The following MADCAM1 variants were observed in gnomAD, a reference collection of about 807,000 sequenced individuals.
The protein encoded by MADCAM1 is mucosal addressin cell adhesion molecule 1.
In MADCAM1, 19 loss-of-function variants were observed where a neutral mutation model predicts 26.1. The ratio of observed to expected loss-of-function variants is 0.73; its 90% CI spans 0.51 to 1.07. The LOEUF (loss-of-function observed/expected upper bound fraction) is 1.07, where lower values mean the gene tolerates loss of function less well. Ranked by LOEUF, MADCAM1 falls within the 50% of genes least tolerant of loss-of-function variation. The pLI, the probability that MADCAM1 is intolerant of heterozygous loss-of-function variation, is 0.00. For missense variants in MADCAM1, 514 were observed against 542.1 expected, an observed-to-expected ratio of 0.95 and a Z score of 0.51; for synonymous variants, 268 against 260.9, an observed-to-expected ratio of 1.03 and a Z score of -0.26.
chr19:503,752 A>C (rs78574640), intron 4 of MADCAM1, among the ~76,000 whole-genome samples: 2 of 148,954 alleles, frequency 1.3e-5, no homozygotes, highest in East Asian at 3.9e-4. Context: ...ACTCAGTCTC[A>C]AAAAAAAAAG....
Position 501,923 on chromosome 19 carries a change from A to G in MADCAM1, c.922A>G (p.Thr308Ala). ...GCCCACGCAGGGAGAAGTGATCCCA[A>G]CAGGCTGTGAGTTCTGGTCCCTGGG... ...AGPTQGEVIP[T>A]GSSKPAGDQL... Residue 308 changes from threonine (T) to alanine (A), a missense_variant, in exon 4 of 5, where the codon ACA becomes GCA. Coordinates refer to ENST00000215637, the MANE Select transcript of MADCAM1 (RefSeq NM_130760.3). 2.4e-6 allele frequency: 3 copies of G among 1,265,968 alleles called. No homozygotes were observed. The highest frequency in any genetic ancestry group is 1.1e-6 in the Non-Finnish European group (1 of 941,846). The allele number at this position is 1,265,968 out of a possible 1,614,324, so 78.4% of individuals were successfully genotyped here.
At chr19:498,876 GCACTTCGGGA>G in intron 3 of MADCAM1, 51 bp downstream of exon 3, 1 of 1,254,840 alleles carries the variant, frequency 8.0e-7, no homozygotes. Context: ...GCCTTGACAA[GCACTTCGGGA>G]CGGGGTGGGG....
At chr19:499,979 G>A (rs1978311645) in intron 3 of MADCAM1, 1 of 442,408 alleles carries the variant, frequency 2.3e-6, no homozygotes, top group Non-Finnish European at 4.5e-6. Context: ...GGAGACCCGG[G>A]AGGTCTTTGT....
Position 497,912 on chromosome 19 carries a change from G to C in MADCAM1, c.132G>C (p.Gln44His). Reference sequence around the variant, plus strand: ...CCGTGGCCTTGGGCGCCTCGCGCCAGCTCACCTGCCGCCTGGCCTGCGCGG... The same window carrying C: ...CCGTGGCCTTGGGCGCCTCGCGCCACCTCACCTGCCGCCTGGCCTGCGCGG... The part of the protein sequence containing the change: ...VVAVALGASR[Q>H]LTCRLACADR... Residue 44 changes from glutamine (Q) to histidine (H), a missense_variant, in exon 2 of 5, where the codon CAG becomes CAC. By Grantham distance (24) the Gln-to-His change is conservative. Around this residue, in one of 3 missense-constraint regions of MADCAM1, gnomAD observed 317 missense variants for 313.6 expected, o/e 1.01. Coordinates refer to ENST00000215637, the MANE Select transcript of MADCAM1 (RefSeq NM_130760.3). 2 of 1,379,592 alleles carry C rather than the reference G, an allele frequency of 1.4e-6. No individual in the cohort carries two copies. Among genetic ancestry groups the C allele is most frequent in the Non-Finnish European group, 1.9e-6 (2 of 1,074,272 alleles). 85.5% of individuals were successfully genotyped at this position (1,379,592 alleles called of 1,614,324 possible).
intron 3 of MADCAM1, chr19:499,228 G>A (rs995813412): frequency 7.5e-5 from 36 of 476,946 alleles, no homozygotes; most frequent in African/African-American, 6.9e-4. Flanking sequence ...CCTGCCCCGG[G>A]GCCTTTGCAC....
chr19:498,266 C>T, intron 2 of MADCAM1, 149 bp downstream of exon 2: 1 of 932,014 alleles, frequency 1.1e-6, no homozygotes, highest in Non-Finnish European at 1.4e-6. Flanking sequence ...CCTTCGCTTC[C>T]CTCCAACTCA....
intron 3 of MADCAM1, among the ~76,000 whole-genome samples, chr19:501,384 C>A (rs2145821089): frequency 7.0e-6 from 1 of 143,152 alleles, no homozygotes; most frequent in African/African-American, 2.6e-5. Context: ...ACTCCAGAGG[C>A]TGAGGCAGGG....
At chr19:500,359 C>T (rs6510810) in intron 3 of MADCAM1, among the ~76,000 whole-genome samples, 21,342 of 152,222 alleles carry the variant, frequency 0.14, 3,037 homozygotes, top group African/African-American at 0.36. Flanking sequence ...GGTGCCTCAG[C>T]TTCCTCATCT....
At position 496,548 on chromosome 19, in the gene MADCAM1, C is replaced by A; in HGVS notation, c.49C>A (p.Leu17Ile). Residue 17 changes from leucine to isoleucine, a missense_variant, in exon 1 of 5, where the codon CTC (leucine) becomes ATC (isoleucine). Coordinates refer to ENST00000215637, the MANE Select transcript of MADCAM1 (RefSeq NM_130760.3). Reference sequence around the variant, plus strand: ...GCTGGCGGGGCTTCTGGGGCTCCTCCTCGGTGAGAAGGGGAGGGGGCGCGG... The same window carrying A: ...GCTGGCGGGGCTTCTGGGGCTCCTCATCGGTGAGAAGGGGAGGGGGCGCGG... Reference protein sequence around the residue: ...LLLAGLLGLLLGQSLQVKPLQ... With the variant: ...LLLAGLLGLLIGQSLQVKPLQ... 1 of 1,300,216 alleles carries A rather than the reference C, an allele frequency of 7.7e-7. No individual in the cohort carries two copies. The highest frequency in any genetic ancestry group is 9.8e-7 in the Non-Finnish European group (1 of 1,018,856). The allele number at this position is 1,300,216 out of a possible 1,614,324, so 80.5% of individuals were successfully genotyped here. A position where few individuals can be genotyped will look rare whatever the true frequency, so the allele number is the denominator to read the frequency against.
chr19:498,360 GC>G, intron 2 of MADCAM1, 135 bp from the exon 3 acceptor site: 1 of 1,022,804 alleles, frequency 9.8e-7, no homozygotes. Context: ...CTGCGCACAG[GC>G]CGTCCCTACT....
At chr19:500,726 C>T (rs905791636) in intron 3 of MADCAM1, among the ~76,000 whole-genome samples, 1 of 152,120 alleles carries the variant, frequency 6.6e-6, no homozygotes, top group African/African-American at 2.4e-5. Context: ...AAATATTAGC[C>T]TGGCGTGGTG....
Position 497,893 on chromosome 19 carries a change from C to G in MADCAM1, c.113C>G (p.Ala38Gly). 4 of 1,364,352 alleles carry G rather than the reference C, an allele frequency of 2.9e-6. No homozygotes were observed. Among genetic ancestry groups the G allele is most frequent in the African/African-American group, 3.1e-5 (2 of 65,464 alleles). The allele number at this position is 1,364,352 out of a possible 1,614,324, so 84.5% of individuals were successfully genotyped here. The change falls in exon 2 of 5, where the codon GCC (alanine) becomes GGC (glycine). Residue 38 changes from alanine (A) to glycine (G), a missense_variant. This residue lies in a region of MADCAM1 where 317 missense variants were observed against 313.6 expected (regional missense o/e 1.01). Transcript: ENST00000215637. ...CCCCCGGAGCCGGTGGTGGCCGTGG[C>G]CTTGGGCGCCTCGCGCCAGCTCACC... Reference protein sequence around the residue: ...VEPPEPVVAVALGASRQLTCR... With the variant: ...VEPPEPVVAVGLGASRQLTCR...
In MADCAM1 at chr19:504,880, C is replaced by T. The variant is rs201733673; in HGVS notation, c.1064C>T (p.Pro355Leu). The T allele has an allele frequency of 1.2e-6, 2 of 1,612,928 alleles. No individual in the cohort carries two copies. The highest frequency in any genetic ancestry group is 1.1e-5 in the South Asian group (1 of 91,058). ...CACCTGGCTGAGGACGACACCCACCCACCAGCTTCTCTGAGGCTTCTGCCC... is the reference window on the plus strand; with the variant it reads ...CACCTGGCTGAGGACGACACCCACCTACCAGCTTCTCTGAGGCTTCTGCCC... ...CRHLAEDDTHPPASLRLLPQV... is the reference protein window; with the variant it reads ...CRHLAEDDTHLPASLRLLPQV... The change falls in exon 5 of 5, where the codon CCA (proline) becomes CTA (leucine). Residue 355 changes from proline to leucine, a missense_variant. Coordinates refer to ENST00000215637, the MANE Select transcript of MADCAM1 (RefSeq NM_130760.3).
At chr19:502,061 G>T in intron 4 of MADCAM1, 132 bp downstream of exon 4, 1 of 1,028,244 alleles carries the variant, frequency 9.7e-7, no homozygotes, top group East Asian at 2.9e-5. Flanking sequence ...CAGTTTCCCC[G>T]TCTGCCCAGC....
chr19:498,334 G>A (rs117652514), intron 2 of MADCAM1, among the ~76,000 whole-genome samples, 162 bp from the exon 3 acceptor site: 3,308 of 152,188 alleles, frequency 0.022, 105 homozygotes, highest in South Asian at 0.13. Flanking sequence ...AGCCTCCCAG[G>A]GTGGGGCCAC....
rs1486028592 is a variant in MADCAM1 at position 501,657 on chromosome 19, C to T, written c.668-12C>T. 1 of 1,587,494 alleles carries T rather than the reference C, an allele frequency of 6.3e-7. No individual in the cohort carries two copies. The highest frequency in any genetic ancestry group is 8.6e-7 in the Non-Finnish European group (1 of 1,169,036). On this transcript the variant is annotated splice_polypyrimidine_tract_variant and intron_variant, in intron 3 of 4. Coordinates refer to ENST00000215637, the MANE Select transcript of MADCAM1 (RefSeq NM_130760.3). ...AGCAGAGAGGAAAAAAAAACCCTCA[C>T]TCTGTTTCCAGTCCTGCACAGCCCG...
rs12611354 is a variant in MADCAM1, at chr19:503,304, G to A, written c.928+1375G>A. Among the ~76,000 whole-genome samples, 3,148 of 145,232 alleles carry A rather than the reference G, an allele frequency of 0.022. 236 individuals carry two copies. In the East Asian group the frequency reaches 0.26, roughly 12 times the overall value. On this transcript the variant is annotated intron_variant, in intron 4 of 4. Coordinates refer to ENST00000215637, the MANE Select transcript of MADCAM1 (RefSeq NM_130760.3). Reference sequence around the variant, plus strand: ...TCCATCTCAAAAAAAAAAATGGGCCGGGCACGGTGGCTTATGCCTGTAATC... The same window carrying A: ...TCCATCTCAAAAAAAAAAATGGGCCAGGCACGGTGGCTTATGCCTGTAATC...
chr19:499,630 C>T (rs1978308978), intron 3 of MADCAM1, among the ~76,000 whole-genome samples: 1 of 152,256 alleles, frequency 6.6e-6, no homozygotes, highest in Admixed American at 6.5e-5. Flanking sequence ...TGACATCCCC[C>T]AGTCCCGTAC....
At position 504,825 on chromosome 19, in the gene MADCAM1, C is replaced by A. The variant is rs748289153; in HGVS notation, c.1009C>A (p.Pro337Thr). 5 of 1,613,022 alleles carry A rather than the reference C, an allele frequency of 3.1e-6. No homozygotes were observed. Among genetic ancestry groups the A allele is most frequent in the South Asian group, 1.1e-5 (1 of 91,078 alleles). The change falls in exon 5 of 5, where the codon CCC becomes ACC. Residue 337 changes from proline (P) to threonine (T), a missense_variant. Pro to Thr is a conservative substitution (Grantham distance 38). Coordinates refer to ENST00000215637, the MANE Select transcript of MADCAM1 (RefSeq NM_130760.3). ...GCTGGGACTGCTGCTCCTGGCCTTG[C>A]CCACCTATCACCTCTGGAAACGCTG... is the stretch of plus-strand genomic sequence containing the variant. ...AVLGLLLLAL[P>T]TYHLWKRCRH...
Sources: gnomAD v4.1 joint callset for allele counts (sites outside exome capture counted in the v4.1 genomes callset) on GRCh38, gnomAD v4.1.1 for gene constraint, gnomAD v4.1.1 regional missense constraint, MANE v1.5 for transcripts, NCBI Gene and HGNC (gene_info 2026-07-23, HGNC 2026-07-21) for gene names.